Variants in MAP3K2 observed in about 807,000 individuals in gnomAD.
MAP3K2 encodes MAP/ERK kinase kinase 2.
Under a neutral mutation model 80.3 loss-of-function variants are expected in MAP3K2, and 24 were observed. The observed-to-expected ratio is 0.30, with a 90% confidence interval of 0.22 to 0.42. MAP3K2 has a LOEUF of 0.42. Among genes scored for constraint, MAP3K2 ranks in the 10% least tolerant of loss-of-function variants. MAP3K2 has a pLI of 1.00. For missense variants in MAP3K2, 608 were observed against 750.1 expected, an observed-to-expected ratio of 0.81 and a Z score of 2.21; for synonymous variants, 244 against 253.7, an observed-to-expected ratio of 0.96 and a Z score of 0.36.
chr2:127,382,553 C>A (rs76102121), intron 1 of MAP3K2, among the ~76,000 whole-genome samples: 1 of 152,172 alleles, frequency 6.6e-6, no homozygotes, highest in Non-Finnish European at 1.5e-5. Flanking sequence ...TGTTTTCTTA[C>A]AAATTGACTC....
In MAP3K2 at chr2:127,339,465, C is replaced by G. The variant is rs1205858543; in HGVS notation, c.5-415G>C. Among the ~76,000 whole-genome samples, 3 of 152,234 alleles carry G rather than the reference C, an allele frequency of 2.0e-5. No individual in the cohort carries two copies. Among genetic ancestry groups the G allele is most frequent in the African/African-American group, 7.2e-5 (3 of 41,554 alleles). On this transcript the variant is annotated intron_variant, in intron 2 of 16. Coordinates refer to ENST00000682094, the MANE Select transcript of MAP3K2 (RefSeq NM_001371910.2). This position sits in a 1 kb window ranked among gnomAD's most constrained non-coding sequence, Gnocchi z 4.2. ...TTAGCATTTATATTCAAAGTACAGA[C>G]TTAATTTTGGAAGGTTTTTTTATTC...
At position 127,335,888 on chromosome 2, in the gene MAP3K2, T is replaced by C. The variant is rs1034815734; in HGVS notation, c.246A>G (p.Leu82=). ...TGTTTACCTCGTTATTGGTATAATGTAGATCCATAGACTGTCCAAAGGCAA... is the reference window on the plus strand; with the variant it reads ...TGTTTACCTCGTTATTGGTATAATGCAGATCCATAGACTGTCCAAAGGCAA... ...AKIAFGQSMD[L]HYTNNELVIP... The change falls in exon 5 of 17, where the codon CTA becomes CTG. Residue 82 remains leucine, a synonymous_variant. Transcript: ENST00000682094. The C allele has an allele frequency of 6.4e-7, 1 of 1,559,594 alleles. No homozygotes were observed. The highest frequency in any genetic ancestry group is 1.2e-5 in the South Asian group (1 of 85,350).
intron 1 of MAP3K2, among the ~76,000 whole-genome samples, chr2:127,349,731 C>G (rs771111866): frequency 2.0e-5 from 3 of 152,198 alleles, no homozygotes; most frequent in Non-Finnish European, 2.9e-5. Flanking sequence ...CTCCAATTTA[C>G]CTTTTGAGGA....
upstream of MAP3K2, chr2:127,388,221 T>C: frequency 1.0e-6 from 1 of 978,160 alleles, no homozygotes; most frequent in Non-Finnish European, 1.2e-6. Flanking sequence ...CAGCCTGTGC[T>C]GTTCCGTGTG....
intron 7 of MAP3K2, among the ~76,000 whole-genome samples, chr2:127,329,391 T>A (rs1256263153): frequency 6.6e-6 from 1 of 151,814 alleles, no homozygotes; most frequent in African/African-American, 2.4e-5. Flanking sequence ...GGAGTCTTGC[T>A]TTGTCGCCAG....
rs1685646529 is a variant in MAP3K2 at position 127,303,939 on chromosome 2, A to C, written c.*3640T>G. 6.6e-6 allele frequency: 1 copy of C among 152,186 alleles called. No individual in the cohort carries two copies. The highest frequency in any genetic ancestry group is 1.5e-5 in the Non-Finnish European group (1 of 68,014). The allele number at this position is 152,186 out of a possible 1,614,324, so 9.4% of individuals were successfully genotyped here. The stretch of plus-strand genomic sequence containing the variant: ...ATCTTATAACAACTCCATGTCAGAA[A>C]TACTACAGAGCAGATCTGACATATA... On this transcript the variant is annotated 3_prime_UTR_variant, in exon 17 of 17. Transcript: ENST00000682094.
At chr2:127,313,955 C>T (rs1365696408) in intron 15 of MAP3K2, among the ~76,000 whole-genome samples, 3 of 152,118 alleles carry the variant, frequency 2.0e-5, no homozygotes, top group Non-Finnish European at 4.4e-5. Flanking sequence ...CAGTCATGCA[C>T]CATCATGCTG....
At chr2:127,335,196 G>A (rs1396806642) in intron 5 of MAP3K2, among the ~76,000 whole-genome samples, 2 of 152,090 alleles carry the variant, frequency 1.3e-5, no homozygotes, top group East Asian at 1.9e-4. Flanking sequence ...ATAGCATTAT[G>A]CCTGAAAAAT....
At position 127,300,048 on chromosome 2, in the gene MAP3K2, C is replaced by T. The variant is rs1011953900; in HGVS notation, c.*7531G>A. ...AATACATTATAAAATTTTCTAATTT[C>T]TATTAATGTCGAACTCCTGAGTTCT... On this transcript the variant is annotated 3_prime_UTR_variant, in exon 17 of 17. Coordinates refer to ENST00000682094, the MANE Select transcript of MAP3K2 (RefSeq NM_001371910.2). The T allele has an allele frequency of 3.3e-5, 5 of 152,022 alleles. No individual in the cohort carries two copies. The highest frequency in any genetic ancestry group is 1.2e-4 in the African/African-American group (5 of 41,420). 9.4% of individuals were successfully genotyped at this position (152,022 alleles called of 1,614,324 possible). A position where few individuals can be genotyped will look rare whatever the true frequency, so the allele number is the denominator to read the frequency against.
chr2:127,335,756 A>G, intron 5 of MAP3K2, 114 bp downstream of exon 5: 1 of 547,684 alleles, frequency 1.8e-6, no homozygotes, highest in Middle Eastern at 3.5e-4. Context: ...TCCTTCTGAC[A>G]TACCATATAT....
rs58705764 is a variant in MAP3K2, at chr2:127,306,847, CGTGT to C, written c.*728_*731del. 53,092 of 150,350 alleles carry C rather than the reference CGTGT, an allele frequency of 0.35. 9,774 individuals carry two copies. The highest frequency in any genetic ancestry group is 0.59 in the East Asian group (3,005 of 5,096). 9.3% of individuals were successfully genotyped at this position (150,350 alleles called of 1,614,324 possible). A position where few individuals can be genotyped will look rare whatever the true frequency, so the allele number is the denominator to read the frequency against. ...ACTTGACTTTAAAATAAAGGTTTTC[CGTGT>C]GTGTGTGTGTGTGTGTGTGTGTGTT... On this transcript the variant is annotated 3_prime_UTR_variant, in exon 17 of 17. Transcript: ENST00000682094. This position sits in a 1 kb window ranked among gnomAD's most constrained non-coding sequence, Gnocchi z 4.7.
At chr2:127,374,729 ATCT>A (rs1687121121) in intron 1 of MAP3K2, among the ~76,000 whole-genome samples, 2 of 152,198 alleles carry the variant, frequency 1.3e-5, no homozygotes, top group Admixed American at 6.5e-5. Flanking sequence ...GTCATTAAAC[ATCT>A]TCTTTTAACT....
In MAP3K2 at chr2:127,387,493, G is replaced by A. The variant is rs547695102; in HGVS notation, c.-107C>T. 9.5e-5 allele frequency: 94 copies of A among 985,076 alleles called. 1 individual carries two copies. In the South Asian group the frequency reaches 3.9e-3, roughly 41 times the overall value. The allele number at this position is 985,076 out of a possible 1,614,324, so 61.0% of individuals were successfully genotyped here. ...ACGTAGAGAGCCGCAGGCCCAAGGAGGGGCCGCCCCCGCCGAGCCCGCCCC... is the reference window on the plus strand; with the variant it reads ...ACGTAGAGAGCCGCAGGCCCAAGGAAGGGCCGCCCCCGCCGAGCCCGCCCC... On this transcript the variant is annotated 5_prime_UTR_variant, in exon 1 of 17. Coordinates refer to ENST00000682094, the MANE Select transcript of MAP3K2 (RefSeq NM_001371910.2).
chr2:127,378,134 G>C (rs1574009407), intron 1 of MAP3K2: 1 of 980,218 alleles, frequency 1.0e-6, no homozygotes, highest in Non-Finnish European at 1.2e-6. Flanking sequence ...GAAGATGACA[G>C]ACATGGAAAA....
At chr2:127,366,485 G>C (rs923589439) in intron 1 of MAP3K2, among the ~76,000 whole-genome samples, 1 of 151,736 alleles carries the variant, frequency 6.6e-6, no homozygotes, top group African/African-American at 2.4e-5. Flanking sequence ...GGAAGAACAA[G>C]AAATAAAAAA....
chr2:127,338,450 CAT>C (rs1453422085), intron 3 of MAP3K2, among the ~76,000 whole-genome samples: 1 of 152,048 alleles, frequency 6.6e-6, no homozygotes, highest in East Asian at 1.9e-4. Flanking sequence ...GCCTAGTACC[CAT>C]TAGTTATTTT....
chr2:127,383,346 G>A (rs1028736526), intron 1 of MAP3K2, among the ~76,000 whole-genome samples: 1 of 152,172 alleles, frequency 6.6e-6, no homozygotes, highest in African/African-American at 2.4e-5. Context: ...GTTTGTCTGT[G>A]TCATCTAGAA....
At chr2:127,332,814 TG>T (rs1686284565) in intron 5 of MAP3K2, among the ~76,000 whole-genome samples, 1 of 152,096 alleles carries the variant, frequency 6.6e-6, no homozygotes, top group African/African-American at 2.4e-5. Context: ...ATTTACATAG[TG>T]AAGTATGAAG....
intron 5 of MAP3K2, among the ~76,000 whole-genome samples, chr2:127,333,764 A>C (rs1686309963): frequency 6.6e-6 from 1 of 151,434 alleles, no homozygotes; most frequent in African/African-American, 2.5e-5. Context: ...ACTAAAATGG[A>C]GCAGTTTTCC....
Sources: allele counts gnomAD v4.1 joint callset (sites outside exome capture counted in the v4.1 genomes callset), GRCh38; gene constraint gnomAD v4.1.1; non-coding constraint Gnocchi (gnomAD v3.1); transcripts MANE v1.5; gene names NCBI Gene and HGNC (gene_info 2026-07-23, HGNC 2026-07-21).